The following GREM2 variants were observed in gnomAD, a reference collection of about 807,000 sequenced individuals.
GREM2 encodes gremlin-2.
GREM2 carries 11 observed loss-of-function variants against 14.2 expected under a neutral mutation model. The ratio of observed to expected loss-of-function variants is 0.78; its 90% confidence interval spans 0.49 to 1.28. GREM2 has a LOEUF of 1.28. Ranked by LOEUF, GREM2 falls within the 50% of genes most tolerant of loss-of-function variation. The probability of loss-of-function intolerance (pLI) is 0.00; values close to 1 mark genes in which losing one functional copy is unlikely to be tolerated. For missense variants in GREM2, 210 were observed against 218.5 expected (o/e 0.96, Z 0.24); for synonymous variants, 98 against 97.6 (o/e 1.00, Z -0.02).
rs1278876837 is a variant in GREM2, at chr1:240,542,758, G to T, written c.-1-49282C>A. ...TGATGGTTTGGCATAAGAAGATTAT[G>T]AATCAAGCTTATCTGCAATAAAACT... On this transcript the variant is annotated intron_variant, in intron 1 of 1. Transcript: ENST00000318160. The surrounding 1 kb of genome is among the most constrained non-coding windows in gnomAD (Gnocchi z 4.1). Among the ~76,000 whole-genome samples the T allele has an allele frequency of 1.3e-5, 2 of 152,136 alleles. No individual in the cohort carries two copies. The highest frequency in any genetic ancestry group is 1.3e-4 in the Admixed American group (2 of 15,268).
At chr1:240,569,036 G>A (rs545873220) in intron 1 of GREM2, among the ~76,000 whole-genome samples, 18 of 151,918 alleles carry the variant, frequency 1.2e-4, no homozygotes, top group South Asian at 4.2e-4. Context: ...CCTGGGTGAC[G>A]GAGTGAAATC....
chr1:240,551,806 G>A (rs1433488643), intron 1 of GREM2, among the ~76,000 whole-genome samples: 2 of 151,988 alleles, frequency 1.3e-5, no homozygotes, highest in African/African-American at 4.8e-5. Context: ...AGGATATTGA[G>A]GACAAAAATG....
At chr1:240,608,278 A>C (rs1680070169) in intron 1 of GREM2, among the ~76,000 whole-genome samples, 1 of 152,240 alleles carries the variant, frequency 6.6e-6, no homozygotes, top group Non-Finnish European at 1.5e-5. Context: ...ATTATCAATA[A>C]GAGAAAAGTA....
At chr1:240,550,404 AAAAC>A (rs55872733) in intron 1 of GREM2, 42,502 of 151,658 alleles carry the variant, frequency 0.28, 6,166 homozygotes, top group East Asian at 0.39. Context: ...ATGATTTGTT[AAAAC>A]AAACAAACAA....
intron 1 of GREM2, among the ~76,000 whole-genome samples, chr1:240,576,086 A>G (rs549998473): frequency 4.6e-5 from 7 of 152,306 alleles, no homozygotes; most frequent in Admixed American, 4.6e-4. Context: ...ACTTTCTTCT[A>G]TGGCAAACAA....
At chr1:240,566,184 A>T (rs1679175081) in intron 1 of GREM2, among the ~76,000 whole-genome samples, 2 of 152,220 alleles carry the variant, frequency 1.3e-5, no homozygotes, top group Non-Finnish European at 2.9e-5. Context: ...ACTAGTTTTA[A>T]AATAGGTTAC....
chr1:240,531,630 A>G (rs953110458), intron 1 of GREM2: 48 of 985,186 alleles, frequency 4.9e-5, no homozygotes, highest in South Asian at 4.2e-4. Flanking sequence ...TGCTCTGCCC[A>G]TTACCTGCAA....
At chr1:240,506,457 A>C (rs767539526) in intron 1 of GREM2, among the ~76,000 whole-genome samples, 1 of 152,160 alleles carries the variant, frequency 6.6e-6, no homozygotes, top group Non-Finnish European at 1.5e-5. Flanking sequence ...AGCTTTATTG[A>C]CAACTGATGC....
intron 1 of GREM2, among the ~76,000 whole-genome samples, chr1:240,573,800 C>CTGGG (rs1308587440): frequency 6.6e-6 from 1 of 152,204 alleles, no homozygotes; most frequent in Admixed American, 6.5e-5. Context: ...CCTTTCCAGC[C>CTGGG]TGGGACCTTC....
At chr1:240,601,218 T>A (rs1679915689) in intron 1 of GREM2, among the ~76,000 whole-genome samples, 1 of 152,232 alleles carries the variant, frequency 6.6e-6, no homozygotes, top group South Asian at 2.1e-4. Context: ...CTCACATAAT[T>A]CGTAAGACAG....
intron 1 of GREM2, among the ~76,000 whole-genome samples, chr1:240,565,491 T>C (rs1156787669): frequency 6.6e-6 from 1 of 152,080 alleles, no homozygotes; most frequent in Admixed American, 6.6e-5. Context: ...TAAAGCAATG[T>C]TTTAGGGAAT....
intron 1 of GREM2, among the ~76,000 whole-genome samples, chr1:240,575,522 TA>T (rs1679351046): frequency 7.0e-6 from 1 of 142,232 alleles, no homozygotes. Context: ...ATTTTAATTT[TA>T]ATTTTATTTT....
At position 240,543,505 on chromosome 1, in the gene GREM2, C is replaced by T. The variant is rs112184219; in HGVS notation, c.-1-50029G>A. ...ACCATGATAACAGTAGGGGGGAAAC[C>T]GCCCTTGTGATTCAATTATTTCCAC... On this transcript the variant is annotated intron_variant, in intron 1 of 1. Coordinates refer to ENST00000318160, the MANE Select transcript of GREM2 (RefSeq NM_022469.4). This position sits in a 1 kb window ranked among gnomAD's most constrained non-coding sequence, Gnocchi z 6.4. 5.2e-4 allele frequency among the ~76,000 whole-genome samples: 79 copies of T among 152,058 alleles called. No homozygotes were observed. The highest frequency in any genetic ancestry group is 4.8e-4 in the African/African-American group (20 of 41,396).
chr1:240,589,461 A>AAAAGAAAAG (rs1679666712), intron 1 of GREM2, among the ~76,000 whole-genome samples: 1 of 139,114 alleles, frequency 7.2e-6, no homozygotes, highest in Non-Finnish European at 1.5e-5. Context: ...AAAAAGAAAA[A>AAAAGAAAAG]AAAGAAAAGA....
chr1:240,604,381 G>T (rs976005990), intron 1 of GREM2, among the ~76,000 whole-genome samples: 1 of 151,604 alleles, frequency 6.6e-6, no homozygotes, highest in African/African-American at 2.4e-5. Context: ...GTTTATAAGG[G>T]ACTAAATAAT....
At chr1:240,541,967 T>C (rs1469038097) in intron 1 of GREM2, among the ~76,000 whole-genome samples, 1 of 152,154 alleles carries the variant, frequency 6.6e-6, no homozygotes, top group African/African-American at 2.4e-5. Flanking sequence ...CTGTACTCCA[T>C]TTCTGGGAGA....
At chr1:240,607,026 C>T (rs868784035) in intron 1 of GREM2, among the ~76,000 whole-genome samples, 1 of 152,150 alleles carries the variant, frequency 6.6e-6, no homozygotes, top group African/African-American at 2.4e-5. Context: ...TTTTTGAAAG[C>T]TCTAAGTCTT....
At chr1:240,517,345 C>G (rs1038748837) in intron 1 of GREM2, among the ~76,000 whole-genome samples, 9 of 152,092 alleles carry the variant, frequency 5.9e-5, no homozygotes, top group Non-Finnish European at 1.2e-4. Context: ...TTGTAGCAAC[C>G]CTTTGTTGGA....
chr1:240,531,470 G>T (rs1678355538), intron 1 of GREM2, among the ~76,000 whole-genome samples: 2 of 152,184 alleles, frequency 1.3e-5, no homozygotes, highest in Non-Finnish European at 1.5e-5. Context: ...GTTTACAGTT[G>T]CTGCAATTTT....
Sources: allele counts gnomAD v4.1 joint callset (sites outside exome capture counted in the v4.1 genomes callset), GRCh38; gene constraint gnomAD v4.1.1; non-coding constraint Gnocchi (gnomAD v3.1); transcripts MANE v1.5; gene names NCBI Gene and HGNC (gene_info 2026-07-23, HGNC 2026-07-21).